The following PHACTR1 variants were observed in gnomAD, a reference collection of about 807,000 sequenced individuals.
The protein encoded by PHACTR1 is phosphatase and actin regulator 1.
Under a neutral mutation model 69.2 loss-of-function variants are expected in PHACTR1, and 16 were observed. The ratio of observed to expected loss-of-function variants is 0.23; its 90% CI spans 0.16 to 0.35. The LOEUF is 0.35. Among genes scored for constraint, PHACTR1 ranks in the 10% least tolerant of loss-of-function variants. The probability of loss-of-function intolerance (pLI) is 1.00; values close to 1 mark genes in which losing one functional copy is unlikely to be tolerated. For missense variants in PHACTR1, 510 were observed against 734.7 expected, an observed-to-expected ratio of 0.69 and a Z score of 3.54; for synonymous variants, 312 against 284.5, an observed-to-expected ratio of 1.10 and a Z score of -0.97.
chr6:12,831,278 A>G (rs747359189), intron 4 of PHACTR1, among the ~76,000 whole-genome samples: 2 of 152,334 alleles, frequency 1.3e-5, no homozygotes, highest in African/African-American at 2.4e-5. Flanking sequence ...ACTGGGGTCT[A>G]TAGTCTTTGC....
At chr6:12,876,640 G>C (rs1782551832) in intron 4 of PHACTR1, among the ~76,000 whole-genome samples, 1 of 152,166 alleles carries the variant, frequency 6.6e-6, no homozygotes, top group South Asian at 2.1e-4. Flanking sequence ...AAGAAGCATT[G>C]ATTCCAAAAT....
chr6:13,267,665 C>T, intron 10 of PHACTR1: 1 of 152,252 alleles, frequency 6.6e-6, no homozygotes. Flanking sequence ...CACAGATGTG[C>T]ACCTCTAGGC....
chr6:12,769,031 G>C (rs1158582384), intron 4 of PHACTR1, among the ~76,000 whole-genome samples: 1 of 152,186 alleles, frequency 6.6e-6, no homozygotes, highest in Non-Finnish European at 1.5e-5. Flanking sequence ...TATTAGCAGA[G>C]AGTGGAATGG....
chr6:13,120,031 C>A (rs563881571), intron 5 of PHACTR1, among the ~76,000 whole-genome samples: 35 of 152,144 alleles, frequency 2.3e-4, no homozygotes, highest in African/African-American at 8.5e-4. Flanking sequence ...GGTGAAGGGG[C>A]CCATGGACAC....
At chr6:12,838,966 T>C (rs1582018733) in intron 4 of PHACTR1, among the ~76,000 whole-genome samples, 2 of 152,234 alleles carry the variant, frequency 1.3e-5, no homozygotes, top group African/African-American at 4.8e-5. Flanking sequence ...ATGATGATGG[T>C]ACTAGCTAAT....
At chr6:12,955,906 C>T (rs1791842213) in intron 4 of PHACTR1, among the ~76,000 whole-genome samples, 1 of 152,122 alleles carries the variant, frequency 6.6e-6, no homozygotes, top group African/African-American at 2.4e-5. Flanking sequence ...CAGTCATTAC[C>T]CCATGCTGAC....
intron 4 of PHACTR1, among the ~76,000 whole-genome samples, chr6:12,790,217 G>T (rs898585245): frequency 2.6e-5 from 4 of 152,078 alleles, no homozygotes; most frequent in Non-Finnish European, 4.4e-5. Flanking sequence ...CCAAAATCCT[G>T]ACATGACCTC....
At chr6:13,230,694 T>G (rs546489543) in intron 10 of PHACTR1, among the ~76,000 whole-genome samples, 92 of 152,276 alleles carry the variant, frequency 6.0e-4, no homozygotes, top group African/African-American at 2.1e-3. Context: ...GAGGCAGGTT[T>G]CCAGGGAGAA....
At chr6:13,008,442 G>C (rs2127639290) in intron 4 of PHACTR1, among the ~76,000 whole-genome samples, 1 of 152,236 alleles carries the variant, frequency 6.6e-6, no homozygotes, top group East Asian at 1.9e-4. Context: ...AATTTCCTAA[G>C]GAATTTTCAC....
chr6:12,991,565 C>T (rs1166949571), intron 4 of PHACTR1, among the ~76,000 whole-genome samples: 1 of 152,172 alleles, frequency 6.6e-6, no homozygotes, highest in Admixed American at 6.5e-5. Flanking sequence ...TCTTCCCTCA[C>T]AAAGTCCTGT....
In PHACTR1 at chr6:13,287,185, C is replaced by T; in HGVS notation, c.*107C>T. The stretch of plus-strand genomic sequence containing the variant: ...CCCATTACGATGTAAATCTTCTGAA[C>T]TGCCTTTTTTTTAAAAAGAAGAAAA... On this transcript the variant is annotated 3_prime_UTR_variant, in exon 15 of 15. Transcript: ENST00000332995. 1 of 1,128,800 alleles carries T rather than the reference C, an allele frequency of 8.9e-7. No individual in the cohort carries two copies. Among genetic ancestry groups the T allele is most frequent in the Non-Finnish European group, 1.3e-6 (1 of 799,284 alleles). The allele number at this position is 1,128,800 out of a possible 1,614,324, so 69.9% of individuals were successfully genotyped here. A position where few individuals can be genotyped will look rare whatever the true frequency, so the allele number is the denominator to read the frequency against.
chr6:13,130,870 A>T (rs1820294508), intron 5 of PHACTR1, among the ~76,000 whole-genome samples: 1 of 152,080 alleles, frequency 6.6e-6, no homozygotes, highest in Non-Finnish European at 1.5e-5. Flanking sequence ...AAAACTACAG[A>T]CCAATATCCC....
At chr6:13,247,945 C>A (rs924164220) in intron 10 of PHACTR1, among the ~76,000 whole-genome samples, 2 of 152,206 alleles carry the variant, frequency 1.3e-5, no homozygotes, top group Admixed American at 6.5e-5. Context: ...GAATCTACCA[C>A]CTGCCCATTC....
At chr6:12,983,705 C>A (rs1467271589) in intron 4 of PHACTR1, among the ~76,000 whole-genome samples, 1 of 152,156 alleles carries the variant, frequency 6.6e-6, no homozygotes, top group Non-Finnish European at 1.5e-5. Flanking sequence ...ACTCCCGCCA[C>A]CCCACGACAG....
intron 4 of PHACTR1, among the ~76,000 whole-genome samples, chr6:13,010,254 A>G (rs1009508375): frequency 3.3e-5 from 5 of 151,860 alleles, no homozygotes; most frequent in African/African-American, 1.2e-4. Flanking sequence ...CAACCTCCCG[A>G]GTAGCTGGGA....
chr6:13,226,947 A>G (rs566167950), intron 8 of PHACTR1, among the ~76,000 whole-genome samples: 4 of 152,260 alleles, frequency 2.6e-5, no homozygotes, highest in Admixed American at 6.5e-5. Flanking sequence ...CATGTTGGCC[A>G]GGATGGTCTC....
At chr6:12,732,432 C>A (rs1431333976) in intron 3 of PHACTR1, among the ~76,000 whole-genome samples, 1 of 151,978 alleles carries the variant, frequency 6.6e-6, no homozygotes, top group Non-Finnish European at 1.5e-5. Context: ...TGTGTCATGG[C>A]GGTTTGCTGC....
At chr6:12,766,361 C>A in intron 4 of PHACTR1, among the ~76,000 whole-genome samples, 1 of 152,134 alleles carries the variant, frequency 6.6e-6, no homozygotes, top group East Asian at 1.9e-4. Flanking sequence ...TTCCAGTGAA[C>A]ACATCTTGCA....
intron 4 of PHACTR1, among the ~76,000 whole-genome samples, chr6:12,791,130 A>G (rs1002765443): frequency 6.6e-6 from 1 of 152,228 alleles, no homozygotes; most frequent in Admixed American, 6.5e-5. Context: ...AATAGGAAAG[A>G]CAAATGTCCC....
Sources: gnomAD v4.1 joint callset for allele counts (sites outside exome capture counted in the v4.1 genomes callset) on GRCh38, gnomAD v4.1.1 for gene constraint, MANE v1.5 for transcripts, NCBI Gene and HGNC (gene_info 2026-07-23, HGNC 2026-07-21) for gene names.